The following TRIM23 variants were observed in gnomAD, a reference collection of about 807,000 sequenced individuals.
TRIM23 encodes E3 ubiquitin-protein ligase TRIM23.
A neutral mutation model predicts 71.0 loss-of-function variants in TRIM23; 27 were observed. The observed-to-expected ratio is 0.38, with a 90% confidence interval of 0.28 to 0.52. The LOEUF (loss-of-function observed/expected upper bound fraction) is 0.52. Among genes scored for constraint, TRIM23 ranks in the 20% least tolerant of loss-of-function variants. TRIM23 has a pLI of 0.84. For synonymous variants in TRIM23, 234 were observed against 238.0 expected, an observed-to-expected ratio of 0.98 and a Z score of 0.16; for missense variants, 482 against 692.3, an observed-to-expected ratio of 0.70 and a Z score of 3.41.
chr5:65,617,528 G>A (rs948250078), intron 2 of TRIM23, among the ~76,000 whole-genome samples: 3 of 151,966 alleles, frequency 2.0e-5, no homozygotes, highest in African/African-American at 4.8e-5. Context: ...TCCAAATCTG[G>A]TATCTGAAAA....
chr5:65,590,860 C>T lies in TRIM23; in HGVS notation c.*909G>A, dbSNP rs1264123360. 3.0e-6 allele frequency: 3 copies of T among 985,298 alleles called. No individual in the cohort carries two copies. Among genetic ancestry groups the T allele is most frequent in the African/African-American group, 1.7e-5 (1 of 57,188 alleles). 61.0% of individuals were successfully genotyped at this position (985,298 alleles called of 1,614,324 possible). A position where few individuals can be genotyped will look rare whatever the true frequency, so the allele number is the denominator to read the frequency against. On this transcript the variant is annotated 3_prime_UTR_variant, in exon 11 of 11. Transcript: ENST00000231524. Reference sequence around the variant, plus strand: ...CTTGAAGTTCGCTTTCTATTTAGGTCACTAGCTTTTAAATAAAGCCAACCC... The same window carrying T: ...CTTGAAGTTCGCTTTCTATTTAGGTTACTAGCTTTTAAATAAAGCCAACCC...
intron 5 of TRIM23, among the ~76,000 whole-genome samples, chr5:65,609,722 A>T (rs1561747813): frequency 6.6e-6 from 1 of 152,162 alleles, no homozygotes; most frequent in Non-Finnish European, 1.5e-5. Flanking sequence ...CGAGCGAGAC[A>T]TTGTTTAAAT....
At chr5:65,608,030 T>C (rs1032156446) in intron 6 of TRIM23, among the ~76,000 whole-genome samples, 8 of 152,240 alleles carry the variant, frequency 5.3e-5, no homozygotes, top group Admixed American at 4.6e-4. Context: ...TAACTAGGTG[T>C]AGTTATTAAC....
At chr5:65,600,624 A>T (rs1754336469) in intron 7 of TRIM23, among the ~76,000 whole-genome samples, 1 of 145,294 alleles carries the variant, frequency 6.9e-6, no homozygotes, top group South Asian at 2.1e-4. Flanking sequence ...AAGCACAGTA[A>T]AAAAAAAAAA....
chr5:65,591,988 A>T (rs1172351502), intron 10 of TRIM23, 40 bp from the exon 11 acceptor site: 1 of 1,515,634 alleles, frequency 6.6e-7, no homozygotes. Flanking sequence ...AGTCCATCCA[A>T]ATTATAATTT....
At chr5:65,614,900 CTT>C (rs1194997884) in intron 2 of TRIM23, among the ~76,000 whole-genome samples, 1 of 151,976 alleles carries the variant, frequency 6.6e-6, no homozygotes, top group Non-Finnish European at 1.5e-5. Context: ...ATTTAAATCT[CTT>C]TTACTTTTTT....
chr5:65,608,813 C>T (rs531341504), intron 6 of TRIM23, among the ~76,000 whole-genome samples: 2 of 152,092 alleles, frequency 1.3e-5, no homozygotes, highest in Admixed American at 1.3e-4. Context: ...GTAGGCAGTA[C>T]ATGGTAGAGA....
Position 65,624,265 on chromosome 5 carries a change from G to A in TRIM23, c.10C>T (p.Leu4=), listed in dbSNP as rs201327066. ...CCCGCTCCGAGCTTGTTTACAACCAGGGTAGCCATCCTCGCAGGGGAAGCG... is the reference window on the plus strand; with the variant it reads ...CCCGCTCCGAGCTTGTTTACAACCAAGGTAGCCATCCTCGCAGGGGAAGCG... MAT[L]VVNKLGAGVD... The change falls in exon 1 of 11, where the codon CTG becomes TTG. Residue 4 remains leucine, a synonymous_variant. Coordinates refer to ENST00000231524, the MANE Select transcript of TRIM23 (RefSeq NM_001656.4). The A allele has an allele frequency of 1.6e-4, 251 of 1,614,008 alleles. No homozygotes were observed. The highest frequency in any genetic ancestry group is 2.0e-4 in the Non-Finnish European group (236 of 1,180,044).
In TRIM23 at chr5:65,609,341, C is replaced by T; in HGVS notation, c.946G>A (p.Glu316Lys). Residue 316 changes from glutamate (E) to lysine (K), a missense_variant, in exon 6 of 11, where the codon GAA (glutamate) becomes AAA (lysine). Transcript: ENST00000231524. ...ALSVVDAHVREKLIWLRQQQE... is the reference protein window; with the variant it reads ...ALSVVDAHVRKKLIWLRQQQE... ...TGCTGCCTGAGCCAAATCAATTTTT[C>T]ACGAACATGAGCATCAACAACACTT... is the stretch of plus-strand genomic sequence containing the variant. The T allele has an allele frequency of 1.2e-6, 2 of 1,614,154 alleles. No homozygotes were observed. Among genetic ancestry groups the T allele is most frequent in the Non-Finnish European group, 1.7e-6 (2 of 1,180,026 alleles).
At chr5:65,613,627 C>T (rs898072356) in intron 3 of TRIM23, 24 of 1,012,036 alleles carry the variant, frequency 2.4e-5, no homozygotes, top group South Asian at 4.8e-5. Flanking sequence ...TACATCTATA[C>T]AAAGTTTAAC....
chr5:65,593,662 C>G (rs531465301), intron 10 of TRIM23, among the ~76,000 whole-genome samples: 1 of 152,262 alleles, frequency 6.6e-6, no homozygotes, highest in African/African-American at 2.4e-5. Context: ...CCTTCTGCCT[C>G]TACTTAAAAG....
At position 65,609,292 on chromosome 5, in the gene TRIM23, A is replaced by G. The variant is rs1561747457; in HGVS notation, c.995T>C (p.Leu332Ser). 5.0e-6 allele frequency: 8 copies of G among 1,614,202 alleles called. No homozygotes were observed. The highest frequency in any genetic ancestry group is 6.8e-6 in the Non-Finnish European group (8 of 1,180,034). ...RQQQEDMTIL[L>S]SEVSAACLHC... ...GAGGCAGGCTGCAGAAACCTCTGAC[A>G]ACAAAATAGTCATATCTTCTTGTTG... Residue 332 changes from leucine to serine, a missense_variant, in exon 6 of 11, where the codon TTG becomes TCG. Physicochemically the swap from Leu to Ser is moderately radical, Grantham distance 145. Around this residue, in one of 2 missense-constraint regions of TRIM23, gnomAD observed 307 missense variants for 495.8 expected, o/e 0.62. Coordinates refer to ENST00000231524, the MANE Select transcript of TRIM23 (RefSeq NM_001656.4).
intron 7 of TRIM23, among the ~76,000 whole-genome samples, chr5:65,602,825 C>G (rs1055645061): frequency 1.3e-5 from 2 of 152,130 alleles, no homozygotes; most frequent in Non-Finnish European, 2.9e-5. Flanking sequence ...TTCACTATCA[C>G]AAGAATAGCA....
At chr5:65,621,267 G>T (rs1228244353) in intron 1 of TRIM23, among the ~76,000 whole-genome samples, 4 of 152,110 alleles carry the variant, frequency 2.6e-5, no homozygotes, top group Non-Finnish European at 4.4e-5. Flanking sequence ...CAGGAGAATG[G>T]TATGAACCTA....
chr5:65,616,623 C>T (rs116629383), intron 2 of TRIM23, among the ~76,000 whole-genome samples: 2,341 of 123,358 alleles, frequency 0.019, 56 homozygotes, highest in African/African-American at 0.07. Context: ...GCCTGGGTGA[C>T]GGAGTAACAC....
chr5:65,604,902 G>A lies in TRIM23; in HGVS notation c.1179+9C>T. 1 of 1,611,644 alleles carries A rather than the reference G, an allele frequency of 6.2e-7. No homozygotes were observed. Among genetic ancestry groups the A allele is most frequent in the Non-Finnish European group, 8.5e-7 (1 of 1,179,182 alleles). On this transcript the variant is annotated intron_variant, in intron 7 of 10. Transcript: ENST00000231524. ...AAAAAATACCTAAAAATAAAGTACAGTACATTACCTTTGTAAAAGTGACAG... is the reference window on the plus strand; with the variant it reads ...AAAAAATACCTAAAAATAAAGTACAATACATTACCTTTGTAAAAGTGACAG...
chr5:65,610,666 A>G (rs1446439907), intron 5 of TRIM23, among the ~76,000 whole-genome samples, 195 bp downstream of exon 5: 1 of 152,210 alleles, frequency 6.6e-6, no homozygotes, highest in East Asian at 1.9e-4. Flanking sequence ...CTTCTCCTCC[A>G]TAAAATAGTT....
At chr5:65,596,037 A>T (rs1754194765) in intron 9 of TRIM23, among the ~76,000 whole-genome samples, 1 of 152,192 alleles carries the variant, frequency 6.6e-6, no homozygotes. Context: ...TGAGATTATA[A>T]TGGGATAAAT....
At chr5:65,615,771 G>C (rs1754762663) in intron 2 of TRIM23, among the ~76,000 whole-genome samples, 1 of 152,096 alleles carries the variant, frequency 6.6e-6, no homozygotes, top group African/African-American at 2.4e-5. Flanking sequence ...TAAACCTCTA[G>C]CATTATTACT....
Sources: allele counts gnomAD v4.1 joint callset (sites outside exome capture counted in the v4.1 genomes callset), GRCh38; gene constraint gnomAD v4.1.1; regional missense constraint gnomAD v4.1.1; transcripts MANE v1.5; gene names NCBI Gene and HGNC (gene_info 2026-07-23, HGNC 2026-07-21).